The following RAB40B variants were observed in gnomAD, a reference collection of about 807,000 sequenced individuals.
The protein encoded by RAB40B is RAB40B, member RAS oncogene family.
Under a neutral mutation model 24.0 loss-of-function variants are expected in RAB40B, and 21 were observed. The ratio of observed to expected loss-of-function variants is 0.88; its 90% CI spans 0.62 to 1.26. The LOEUF is 1.26. RAB40B is among the 50% of genes most tolerant of loss of function. The pLI is 0.00. For synonymous variants in RAB40B, 167 were observed against 169.8 expected (o/e 0.98, Z 0.13); for missense variants, 348 against 390.5 (o/e 0.89, Z 0.92).
chr17:82,687,783 C>G (rs1326795175), intron 1 of RAB40B, among the ~76,000 whole-genome samples: 1 of 152,192 alleles, frequency 6.6e-6, no homozygotes, highest in South Asian at 2.1e-4. Context: ...CAAGACTTTA[C>G]GCCCCCAGCC....
intron 1 of RAB40B, among the ~76,000 whole-genome samples, chr17:82,679,257 CTTA>C (rs542700983): frequency 8.7e-5 from 13 of 150,122 alleles, no homozygotes; most frequent in Non-Finnish European, 1.3e-4. Context: ...CACCACAAGC[CTTA>C]TTATTATTAT....
intron 1 of RAB40B, among the ~76,000 whole-genome samples, chr17:82,690,112 C>T (rs2046540703): frequency 6.6e-6 from 1 of 152,118 alleles, no homozygotes; most frequent in African/African-American, 2.4e-5. Flanking sequence ...GAGGTGGTTG[C>T]CAAGGGAAAC....
chr17:82,680,135 C>A (rs555187112), intron 1 of RAB40B, among the ~76,000 whole-genome samples: 1 of 152,238 alleles, frequency 6.6e-6, no homozygotes, highest in Non-Finnish European at 1.5e-5. Context: ...GGAGGCCTGG[C>A]AGGGTTCGAG....
At chr17:82,665,090 T>C (rs1312326949) in intron 1 of RAB40B, among the ~76,000 whole-genome samples, 1 of 152,204 alleles carries the variant, frequency 6.6e-6, no homozygotes, top group Non-Finnish European at 1.5e-5. Flanking sequence ...CTCAGCTGTG[T>C]ACATGTGCAT....
chr17:82,687,885 G>A (rs11656644), intron 1 of RAB40B, among the ~76,000 whole-genome samples: 30,320 of 151,990 alleles, frequency 0.2, 3,232 homozygotes, highest in Middle Eastern at 0.29. Context: ...AAGCCTGGGC[G>A]GCATAGCAAG....
chr17:82,681,860 C>A (rs1358200619), intron 1 of RAB40B, among the ~76,000 whole-genome samples: 1 of 152,052 alleles, frequency 6.6e-6, no homozygotes, highest in Non-Finnish European at 1.5e-5. Flanking sequence ...ACTAGGAATA[C>A]AATTCCCTTA....
chr17:82,673,092 T>C (rs1023357377), intron 1 of RAB40B, among the ~76,000 whole-genome samples: 1 of 152,050 alleles, frequency 6.6e-6, no homozygotes, highest in African/African-American at 2.4e-5. Context: ...TAGTCCCAGA[T>C]ACTTGGGAGG....
At chr17:82,660,299 A>G (rs1305246420) in intron 3 of RAB40B, among the ~76,000 whole-genome samples, 1 of 150,986 alleles carries the variant, frequency 6.6e-6, no homozygotes, top group Non-Finnish European at 1.5e-5. Context: ...TACACACACA[A>G]GCAGGCACTC....
chr17:82,660,903 C>T lies in RAB40B; in HGVS notation c.264+84G>A, dbSNP rs577127796. 1.2e-3 allele frequency: 1,797 copies of T among 1,494,566 alleles called. 40 individuals carry two copies. In the South Asian group the frequency reaches 0.02, roughly 17 times the overall value. 92.6% of individuals were successfully genotyped at this position (1,494,566 alleles called of 1,614,324 possible). A position where few individuals can be genotyped will look rare whatever the true frequency, so the allele number is the denominator to read the frequency against. ...CTTAACCGCCTTGTCCTCCAATCATCCATTAAAGGATGGTAAGTTAAGCAT... is the reference window on the plus strand; with the variant it reads ...CTTAACCGCCTTGTCCTCCAATCATTCATTAAAGGATGGTAAGTTAAGCAT... On this transcript the variant is annotated intron_variant, in intron 3 of 5. Transcript: ENST00000571995.
In RAB40B at chr17:82,657,899, G is replaced by A. The variant is rs764583570; in HGVS notation, c.801C>T (p.Pro267=). Residue 267 remains proline, a synonymous_variant, in exon 6 of 6, where the codon CCC becomes CCT. Transcript: ENST00000571995. ...TGCAGCTGTTTCTGGTGCAGTTTTT[G>A]GGGGGGCTCTGGGGGGGGCGGACGA... is the stretch of plus-strand genomic sequence containing the variant. The part of the protein sequence containing the change: ...VKLVRPPQSP[P]KNCTRNSCKI... 1.9e-6 allele frequency: 3 copies of A among 1,612,504 alleles called. No homozygotes were observed. Among genetic ancestry groups the A allele is most frequent in the Non-Finnish European group, 2.5e-6 (3 of 1,179,270 alleles).
chr17:82,664,645 A>C, intron 1 of RAB40B, 89 bp from the exon 2 acceptor site: 207 of 1,281,112 alleles, frequency 1.6e-4, no homozygotes, highest in Middle Eastern at 3.8e-4. Context: ...AGGGTTTCTC[A>C]TCAGTGCAAC....
At chr17:82,680,160 G>T (rs1027242411) in intron 1 of RAB40B, among the ~76,000 whole-genome samples, 1 of 152,224 alleles carries the variant, frequency 6.6e-6, no homozygotes, top group Non-Finnish European at 1.5e-5. Flanking sequence ...CAACTCAGGC[G>T]GGCCCGGGCT....
Position 82,681,290 on chromosome 17 carries a change from A to G in RAB40B, c.143-16734T>C, listed in dbSNP as rs2143528403. Among the ~76,000 whole-genome samples the G allele has an allele frequency of 2.0e-5, 3 of 152,302 alleles. No individual in the cohort carries two copies. In the Middle Eastern group the frequency reaches 0.01, roughly 518 times the overall value. On this transcript the variant is annotated intron_variant, in intron 1 of 5. Coordinates refer to ENST00000571995, the MANE Select transcript of RAB40B (RefSeq NM_006822.3). Reference sequence around the variant, plus strand: ...AAGATTGCTGGCTCTCCTAGGGAACATAACTTACCTATGGTAGGAAATATT... The same window carrying G: ...AAGATTGCTGGCTCTCCTAGGGAACGTAACTTACCTATGGTAGGAAATATT...
rs1193974869 is a variant in RAB40B, at chr17:82,692,867, C to T, written c.142+5588G>A. 6.6e-6 allele frequency among the ~76,000 whole-genome samples: 1 copy of T among 152,112 alleles called. No homozygotes were observed. Among genetic ancestry groups the T allele is most frequent in the East Asian group, 1.9e-4 (1 of 5,186 alleles). ...GTGACGTGCAGATGAGAGTGGCTATCCAGGATCACACAGCCGACAAAGGAC... is the reference window on the plus strand; with the variant it reads ...GTGACGTGCAGATGAGAGTGGCTATTCAGGATCACACAGCCGACAAAGGAC... On this transcript the variant is annotated intron_variant, in intron 1 of 5. Coordinates refer to ENST00000571995, the MANE Select transcript of RAB40B (RefSeq NM_006822.3). This position sits in a 1 kb window ranked among gnomAD's most constrained non-coding sequence, Gnocchi z 4.0.
At chr17:82,694,327 C>T (rs544725439) in intron 1 of RAB40B, among the ~76,000 whole-genome samples, 7 of 151,264 alleles carry the variant, frequency 4.6e-5, no homozygotes, top group African/African-American at 9.8e-5. Flanking sequence ...GTTAGGGGTT[C>T]GAGACCACCC....
intron 2 of RAB40B, among the ~76,000 whole-genome samples, chr17:82,661,719 T>C (rs1295232195): frequency 2.0e-5 from 3 of 151,874 alleles, no homozygotes; most frequent in Non-Finnish European, 4.4e-5. Flanking sequence ...AAACCCCGTC[T>C]CTACTAAAAA....
At chr17:82,664,287 CGGGGTGCTGTGCTG>C (rs2046224434) in intron 2 of RAB40B, among the ~76,000 whole-genome samples, 195 bp downstream of exon 2, 1 of 121,580 alleles carries the variant, frequency 8.2e-6, no homozygotes, top group Non-Finnish European at 1.7e-5. Flanking sequence ...GGGTGCTCCC[CGGGGTGCTGTGCTG>C]ATGGTGGTGG....
At chr17:82,660,492 TACAC>T (rs2046154546) in intron 3 of RAB40B, among the ~76,000 whole-genome samples, 1 of 141,132 alleles carries the variant, frequency 7.1e-6, no homozygotes, top group South Asian at 2.3e-4. Flanking sequence ...CGTGTACACA[TACAC>T]GCACATGCAG....
Position 82,658,159 on chromosome 17 carries a change from G to A in RAB40B, c.566-25C>T, listed in dbSNP as rs761340406. On this transcript the variant is annotated intron_variant, in intron 5 of 5. Transcript: ENST00000571995. ...ACTTGGGAGAGAAAAGATAAACCTT[G>A]CTTAGTGGATGTCCCCACCTGGGCT... 1.9e-6 allele frequency: 3 copies of A among 1,602,486 alleles called. No homozygotes were observed. The Admixed American group carries it at 5.1e-5, about 27-fold the overall frequency.
Sources: gnomAD v4.1 joint callset for allele counts (sites outside exome capture counted in the v4.1 genomes callset) on GRCh38, gnomAD v4.1.1 for gene constraint, Gnocchi (gnomAD v3.1) non-coding constraint, MANE v1.5 for transcripts, NCBI Gene and HGNC (gene_info 2026-07-23, HGNC 2026-07-21) for gene names.